The following PIK3CB variants were observed in gnomAD, a reference collection of about 807,000 sequenced individuals.
PIK3CB encodes the protein phosphatidylinositol 4,5-bisphosphate 3-kinase catalytic subunit beta isoform.
In PIK3CB, 39 loss-of-function variants were observed where a neutral mutation model predicts 136.8. The ratio of observed to expected loss-of-function variants is 0.29; its 90% confidence interval spans 0.22 to 0.37. The LOEUF is 0.37. PIK3CB is among the 10% of genes least tolerant of loss of function. The pLI is 1.00. For missense variants in PIK3CB, 868 were observed against 1,275.4 expected (o/e 0.68, Z 4.87); for synonymous variants, 428 against 436.6 (o/e 0.98, Z 0.25).
At chr3:138,810,631 ATGT>A (rs1932988599) in intron 1 of PIK3CB, among the ~76,000 whole-genome samples, 1 of 152,018 alleles carries the variant, frequency 6.6e-6, no homozygotes, top group Admixed American at 6.6e-5. Context: ...AAAACAAGAA[ATGT>A]TGGGCCGGGC....
At chr3:138,662,363 T>C (rs1039224181) in intron 21 of PIK3CB, among the ~76,000 whole-genome samples, 4 of 148,816 alleles carry the variant, frequency 2.7e-5, no homozygotes, top group Admixed American at 6.7e-5. Flanking sequence ...CATGCGGTGT[T>C]TGGTTTTTTG....
At chr3:138,693,992 A>ATTTT (rs1449407695) in intron 14 of PIK3CB, among the ~76,000 whole-genome samples, 1 of 113,342 alleles carries the variant, frequency 8.8e-6, no homozygotes, top group Admixed American at 9.5e-5. Flanking sequence ...ATATATATAT[A>ATTTT]TTTTAAACCC....
intron 2 of PIK3CB, among the ~76,000 whole-genome samples, chr3:138,790,258 T>C (rs2046032974): frequency 6.6e-6 from 1 of 152,046 alleles, no homozygotes; most frequent in Admixed American, 6.6e-5. Context: ...GTTCTGGAGA[T>C]GGACAGTGAT....
chr3:138,814,837 A>G (rs527966717), intron 1 of PIK3CB, among the ~76,000 whole-genome samples: 2 of 151,978 alleles, frequency 1.3e-5, no homozygotes, highest in South Asian at 4.2e-4. Context: ...CCCCATCTCT[A>G]CAAAAAATAC....
At chr3:138,759,802 T>G (rs1184562275) in intron 2 of PIK3CB, among the ~76,000 whole-genome samples, 3 of 152,196 alleles carry the variant, frequency 2.0e-5, no homozygotes, top group Non-Finnish European at 4.4e-5. Context: ...AAACTTTATT[T>G]AGAAAATATT....
intron 2 of PIK3CB, among the ~76,000 whole-genome samples, chr3:138,786,614 G>A (rs2108802550): frequency 6.6e-6 from 1 of 152,134 alleles, no homozygotes; most frequent in South Asian, 2.1e-4. Flanking sequence ...CCAAAGTGCT[G>A]GGATTACAGG....
At chr3:138,718,723 T>C (rs2108596738) in intron 8 of PIK3CB, among the ~76,000 whole-genome samples, 1 of 152,324 alleles carries the variant, frequency 6.6e-6, no homozygotes, top group East Asian at 1.9e-4. Context: ...CTTTTGTTTA[T>C]GGTGTAAGGA....
intron 1 of PIK3CB, among the ~76,000 whole-genome samples, chr3:138,820,440 C>T: frequency 6.6e-6 from 1 of 152,204 alleles, no homozygotes; most frequent in East Asian, 1.9e-4. Context: ...TTTAACCTAA[C>T]TCATTTATGT....
chr3:138,780,709 T>G (rs1314177363), intron 2 of PIK3CB, among the ~76,000 whole-genome samples: 1 of 152,110 alleles, frequency 6.6e-6, no homozygotes, highest in Non-Finnish European at 1.5e-5. Context: ...CTCACTGTCA[T>G]GCAGGCTGGA....
chr3:138,675,121 T>C (rs1297426314), intron 19 of PIK3CB, among the ~76,000 whole-genome samples: 3 of 151,998 alleles, frequency 2.0e-5, no homozygotes, highest in African/African-American at 7.3e-5. Context: ...TATCAATAGA[T>C]AGATATTATT....
chr3:138,734,555 G>T, intron 7 of PIK3CB, 79 bp downstream of exon 7: 1 of 1,060,026 alleles, frequency 9.4e-7, no homozygotes, highest in Non-Finnish European at 1.4e-6. Flanking sequence ...GTGAGCAAAG[G>T]AAATATGTGT....
intron 2 of PIK3CB, among the ~76,000 whole-genome samples, chr3:138,765,854 G>T (rs2045726338): frequency 1.3e-5 from 2 of 152,096 alleles, no homozygotes; most frequent in African/African-American, 4.8e-5. Flanking sequence ...ACGGAAGGAA[G>T]AGTGAGACGA....
chr3:138,728,508 T>C (rs1335298889), intron 8 of PIK3CB, among the ~76,000 whole-genome samples: 1 of 152,178 alleles, frequency 6.6e-6, no homozygotes, highest in Non-Finnish European at 1.5e-5. Flanking sequence ...CCAGGCGCAG[T>C]GGCTCACGCC....
At chr3:138,785,025 C>G (rs1261118470) in intron 2 of PIK3CB, among the ~76,000 whole-genome samples, 1 of 151,842 alleles carries the variant, frequency 6.6e-6, no homozygotes, top group African/African-American at 2.4e-5. Context: ...AAGTGAGGAG[C>G]CCCTCCGCCC....
At chr3:138,673,198 A>G (rs2043572957) in intron 19 of PIK3CB, among the ~76,000 whole-genome samples, 2 of 152,142 alleles carry the variant, frequency 1.3e-5, no homozygotes, top group South Asian at 4.1e-4. Context: ...AAAGTTTAAT[A>G]TAAATCTACT....
intron 1 of PIK3CB, among the ~76,000 whole-genome samples, chr3:138,812,258 GACA>G (rs1376717595): frequency 4.7e-5 from 7 of 150,142 alleles, no homozygotes; most frequent in African/African-American, 1.5e-4. Context: ...TTTTTGGGGG[GACA>G]GAGTCTCGCT....
intron 1 of PIK3CB, chr3:138,797,039 G>A (rs2046116393): frequency 6.5e-6 from 1 of 152,720 alleles, no homozygotes; most frequent in East Asian, 1.9e-4. Context: ...CCTGACCAAT[G>A]AGAAGACGGA....
chr3:138,727,873 T>C (rs2044874517), intron 8 of PIK3CB, among the ~76,000 whole-genome samples: 1 of 152,196 alleles, frequency 6.6e-6, no homozygotes, highest in South Asian at 2.1e-4. Flanking sequence ...TTTTGTTTTT[T>C]TGAGATGGAG....
At chr3:138,747,813 C>A (rs1349239835) in intron 4 of PIK3CB, among the ~76,000 whole-genome samples, 13 of 152,114 alleles carry the variant, frequency 8.5e-5, no homozygotes, top group African/African-American at 3.1e-4. Context: ...AAAAAATATC[C>A]ACGTATAAGT....
Sources: allele counts gnomAD v4.1 joint callset (sites outside exome capture counted in the v4.1 genomes callset), GRCh38; gene constraint gnomAD v4.1.1; transcripts MANE v1.5; gene names NCBI Gene and HGNC (gene_info 2026-07-23, HGNC 2026-07-21).